The following CD40LG variants were observed in gnomAD, a reference collection of about 807,000 sequenced individuals.
CD40LG encodes CD40 antigen ligand.
CD40LG carries 1 observed loss-of-function variant against 17.2 expected under a neutral mutation model. The ratio of observed to expected loss-of-function variants is 0.06; its 90% CI spans 0.02 to 0.28. The LOEUF (loss-of-function observed/expected upper bound fraction) is 0.28, where lower values mean the gene tolerates loss of function less well. Ranked by LOEUF, CD40LG falls within the 10% of genes least tolerant of loss-of-function variation. The pLI is 1.00. For missense variants in CD40LG, 133 were observed against 193.2 expected (o/e 0.69, Z 1.85); for synonymous variants, 66 against 74.4 (o/e 0.89, Z 0.58).
chrX:136,654,792 A>T (rs1305535425), intron 3 of CD40LG, among the ~76,000 whole-genome samples: 1 of 111,761 alleles, frequency 8.9e-6, no homozygotes, highest in Non-Finnish European at 1.9e-5. Flanking sequence ...CATTGATAAC[A>T]GTTTTTCATG....
Position 136,651,922 on chromosome X carries a change from G to C in CD40LG, c.288+1525G>C, listed in dbSNP as rs3092941. Reference sequence around the variant, plus strand: ...TGAGAGTGGCTTGTCAGTCCCCCTCGTTTCTTACGGAGACTTTTACGGTTG... The same window carrying C: ...TGAGAGTGGCTTGTCAGTCCCCCTCCTTTCTTACGGAGACTTTTACGGTTG... On this transcript the variant is annotated intron_variant, in intron 2 of 4. Transcript: ENST00000370629. 3.2e-3 allele frequency among the ~76,000 whole-genome samples: 356 copies of C among 111,030 alleles called. 1 individual carries two copies. The highest frequency in any genetic ancestry group is 0.011 in the African/African-American group (339 of 30,546).
At chrX:136,658,428 C>T (rs1194457242) in intron 4 of CD40LG, among the ~76,000 whole-genome samples, 2 of 111,468 alleles carry the variant, frequency 1.8e-5, no homozygotes, top group Non-Finnish European at 3.8e-5. Flanking sequence ...CAAAACATAC[C>T]GTGAAATGAG....
chrX:136,651,870 T>C (rs928314382), intron 2 of CD40LG, among the ~76,000 whole-genome samples: 1 of 111,778 alleles, frequency 8.9e-6, no homozygotes, highest in Non-Finnish European at 1.9e-5. Context: ...AATTATGTGA[T>C]AAGCCTTCAG....
In CD40LG at chrX:136,659,928, C is replaced by T. The variant is rs1460424623; in HGVS notation, c.*513C>T. The stretch of plus-strand genomic sequence containing the variant: ...CACAGTGGAGAACCGAAACCCCCCC[C>T]CCCCCCCCGCCACCCTCTCGGACAG... On this transcript the variant is annotated 3_prime_UTR_variant, in exon 5 of 5. Transcript: ENST00000370629. The T allele has an allele frequency of 1.1e-4, 6 of 54,968 alleles. No homozygotes were observed. The highest frequency in any genetic ancestry group is 2.9e-4 in the African/African-American group (6 of 20,347). The allele number at this position is 54,968 out of a possible 1,213,427, so 4.5% of individuals were successfully genotyped here. A position where few individuals can be genotyped will look rare whatever the true frequency, so the allele number is the denominator to read the frequency against.
At chrX:136,650,454 G>C (rs2076100884) in intron 2 of CD40LG, 57 bp downstream of exon 2, 4 of 1,089,316 alleles carry the variant, frequency 3.7e-6, no homozygotes, top group Non-Finnish European at 3.8e-6. Context: ...ACATTTGCTA[G>C]ATCGGGAAAC....
chrX:136,659,709 A>G lies in CD40LG; in HGVS notation c.*294A>G. 3.1e-6 allele frequency: 1 copy of G among 320,927 alleles called. No individual in the cohort carries two copies. The highest frequency in any genetic ancestry group is 5.0e-5 in the East Asian group (1 of 20,014). 26.4% of individuals were successfully genotyped at this position (320,927 alleles called of 1,213,427 possible). On this transcript the variant is annotated 3_prime_UTR_variant, in exon 5 of 5. Coordinates refer to ENST00000370629, the MANE Select transcript of CD40LG (RefSeq NM_000074.3). ...GACAAGGCCATTATGCACAGGTTGA[A>G]TTCTGAGTAAACAGCAGATAACTTG...
chrX:136,658,794 A>G (rs1198606949), intron 4 of CD40LG, among the ~76,000 whole-genome samples: 1 of 111,512 alleles, frequency 9.0e-6, no homozygotes, highest in African/African-American at 3.3e-5. Context: ...TCTCTGAAAT[A>G]TGCTCCAATA....
In CD40LG at chrX:136,650,361, T is replaced by C. The variant is rs1430792179; in HGVS notation, c.252T>C (p.Cys84=). 2 of 1,203,861 alleles carry C rather than the reference T, an allele frequency of 1.7e-6. No homozygotes were observed. Among genetic ancestry groups the C allele is most frequent in the Non-Finnish European group, 1.1e-6 (1 of 890,303 alleles). The change falls in exon 2 of 5, where the codon TGT becomes TGC. Residue 84 remains cysteine (C), a synonymous_variant. Coordinates refer to ENST00000370629, the MANE Select transcript of CD40LG (RefSeq NM_000074.3). The stretch of plus-strand genomic sequence containing the variant: ...AAAGATCCTTATCCTTACTGAACTG[T>C]GAGGAGATTAAAAGCCAGTTTGAAG... ...TGERSLSLLN[C]EEIKSQFEGF... is the part of the protein sequence containing the mutation.
At chrX:136,652,717 T>A in intron 2 of CD40LG, among the ~76,000 whole-genome samples, 1 of 111,245 alleles carries the variant, frequency 9.0e-6, no homozygotes, top group East Asian at 2.8e-4. Flanking sequence ...TAGTATAATT[T>A]CATATTAAAA....
chrX:136,659,586 C>T lies in CD40LG; in HGVS notation c.*171C>T. 1 of 534,059 alleles carries T rather than the reference C, an allele frequency of 1.9e-6. No homozygotes were observed. The highest frequency in any genetic ancestry group is 3.0e-6 in the Non-Finnish European group (1 of 336,071). 44.0% of individuals were successfully genotyped at this position (534,059 alleles called of 1,213,427 possible). ...ATGTAGAACTGTAATAAGTGAATTA[C>T]AGGTCACATGAAACCAAAACGGGCC... On this transcript the variant is annotated 3_prime_UTR_variant, in exon 5 of 5. Coordinates refer to ENST00000370629, the MANE Select transcript of CD40LG (RefSeq NM_000074.3).
At position 136,654,315 on chromosome X, in the gene CD40LG, T is replaced by A. The variant is rs1047827446; in HGVS notation, c.289-58T>A. The A allele has an allele frequency of 1.2e-5, 10 of 860,643 alleles. 1 individual carries two copies. The highest frequency in any genetic ancestry group is 2.0e-5 in the South Asian group (1 of 49,926). The allele number at this position is 860,643 out of a possible 1,213,427, so 70.9% of individuals were successfully genotyped here. A position where few individuals can be genotyped will look rare whatever the true frequency, so the allele number is the denominator to read the frequency against. ...ACAGATGCAAAACGAATGATAATTT[T>A]AAAACCCCACAGCAGAGCCCCTGTC... On this transcript the variant is annotated intron_variant, in intron 2 of 4. Coordinates refer to ENST00000370629, the MANE Select transcript of CD40LG (RefSeq NM_000074.3).
At position 136,650,992 on chromosome X, in the gene CD40LG, G is replaced by A. The variant is rs1285995860; in HGVS notation, c.288+595G>A. Among the ~76,000 whole-genome samples, 4 of 111,382 alleles carry A rather than the reference G, an allele frequency of 3.6e-5. No individual in the cohort carries two copies. The East Asian group carries it at 1.1e-3, about 31-fold the overall frequency. ...ACTCCATATAATATCACTTGCTCAT[G>A]AAGCCCGCCCACTCTATGGCCGGTC... On this transcript the variant is annotated intron_variant, in intron 2 of 4. Transcript: ENST00000370629.
intron 1 of CD40LG, among the ~76,000 whole-genome samples, chrX:136,648,799 G>A (rs1603319372): frequency 8.9e-6 from 1 of 112,393 alleles, no homozygotes; most frequent in East Asian, 2.8e-4. Context: ...CTAAAGTTCT[G>A]CTTTAAAAGT....
chrX:136,657,708 C>CT (rs1286051848), intron 4 of CD40LG, among the ~76,000 whole-genome samples: 5 of 111,819 alleles, frequency 4.5e-5, no homozygotes, highest in African/African-American at 1.6e-4. Context: ...TCCCACTGGT[C>CT]TTTTTTTGCC....
chrX:136,650,132 T>A, intron 1 of CD40LG, 134 bp from the exon 2 acceptor site: 1 of 493,005 alleles, frequency 2.0e-6, no homozygotes, highest in South Asian at 3.1e-5. Context: ...GCCAATATAA[T>A]AACTTATTAT....
At chrX:136,652,475 G>A (rs911072545) in intron 2 of CD40LG, among the ~76,000 whole-genome samples, 1 of 111,603 alleles carries the variant, frequency 9.0e-6, no homozygotes, top group Admixed American at 9.5e-5. Context: ...TTTGAATTTG[G>A]AGTCTTTGAA....
chrX:136,650,280 G>A lies in CD40LG; in HGVS notation c.171G>A (p.Arg57=). 1 of 1,175,537 alleles carries A rather than the reference G, an allele frequency of 8.5e-7. No individual in the cohort carries two copies. The highest frequency in any genetic ancestry group is 3.0e-5 in the East Asian group (1 of 33,655). The change falls in exon 2 of 5, where the codon AGG becomes AGA. Residue 57 remains arginine (R), a synonymous_variant. Transcript: ENST00000370629. The part of the protein sequence containing the change: ...HRRLDKIEDE[R]NLHEDFVFMK... ...TTCCAAAATAGATAGAAGATGAAAG[G>A]AATCTTCATGAAGATTTTGTATTCA...
chrX:136,652,234 G>A (rs754132295), intron 2 of CD40LG, among the ~76,000 whole-genome samples: 3 of 110,462 alleles, frequency 2.7e-5, no homozygotes, highest in South Asian at 3.9e-4. Context: ...CTAGGATTAC[G>A]TACAATGAGT....
chrX:136,648,400 A>G lies in CD40LG; in HGVS notation c.152A>G (p.Asp51Gly), dbSNP rs771141566. 1 of 1,209,204 alleles carries G rather than the reference A, an allele frequency of 8.3e-7. No individual in the cohort carries two copies. Among genetic ancestry groups the G allele is most frequent in the Non-Finnish European group, 1.1e-6 (1 of 893,017 alleles). Residue 51 changes from aspartate to glycine, a missense_variant, in exon 1 of 5, where the codon GAC (aspartate) becomes GGC (glycine). Asp to Gly is a moderately conservative substitution (Grantham distance 94, BLOSUM62 -1). Coordinates refer to ENST00000370629, the MANE Select transcript of CD40LG (RefSeq NM_000074.3). ...GCTGTGTATCTTCATAGAAGGTTGG[A>G]CAAGGTAAGATGAACCACAAGCCTT... Reference protein sequence around the residue: ...LFAVYLHRRLDKIEDERNLHE... With the variant: ...LFAVYLHRRLGKIEDERNLHE...
Sources: gnomAD v4.1 joint callset for allele counts (sites outside exome capture counted in the v4.1 genomes callset) on GRCh38, gnomAD v4.1.1 for gene constraint, MANE v1.5 for transcripts, NCBI Gene and HGNC (gene_info 2026-07-23, HGNC 2026-07-21) for gene names.